Variants in MAP4K5 observed in about 807,000 individuals in gnomAD.
MAP4K5 encodes the protein mitogen-activated protein kinase kinase kinase kinase 5.
Under a neutral mutation model 135.6 loss-of-function variants are expected in MAP4K5, and 82 were observed. The observed-to-expected ratio is 0.60, with a 90% confidence interval of 0.51 to 0.73. The LOEUF is 0.73. Among genes scored for constraint, MAP4K5 ranks in the 30% least tolerant of loss-of-function variants. MAP4K5 has a pLI of 0.00. For missense variants in MAP4K5, 907 were observed against 1,010.9 expected, an observed-to-expected ratio of 0.90 and a Z score of 1.39; for synonymous variants, 347 against 335.0, an observed-to-expected ratio of 1.04 and a Z score of -0.39.
chr14:50,489,068 C>T (rs2037428216), intron 3 of MAP4K5, among the ~76,000 whole-genome samples: 1 of 152,120 alleles, frequency 6.6e-6, no homozygotes, highest in Non-Finnish European at 1.5e-5. Flanking sequence ...GGGTGATACG[C>T]CAAATTAATA....
rs374028519 is a variant in MAP4K5, at chr14:50,448,576, T to C, written c.1074+198A>G. Among the ~76,000 whole-genome samples, 177 of 152,096 alleles carry C rather than the reference T, an allele frequency of 1.2e-3. 2 individuals carry two copies. In the South Asian group the frequency reaches 0.033, roughly 28 times the overall value. On this transcript the variant is annotated intron_variant, in intron 15 of 32. Coordinates refer to ENST00000682126, the MANE Select transcript of MAP4K5 (RefSeq NM_006575.6). Reference sequence around the variant, plus strand: ...AGACTAAGGAGGTTAAAATGAATGATTGAAATAGTGTATTACATCGTACTC... The same window carrying C: ...AGACTAAGGAGGTTAAAATGAATGACTGAAATAGTGTATTACATCGTACTC...
At chr14:50,500,667 G>C (rs2037688297) in intron 3 of MAP4K5, among the ~76,000 whole-genome samples, 1 of 152,140 alleles carries the variant, frequency 6.6e-6, no homozygotes, top group African/African-American at 2.4e-5. Context: ...TAGATGGTGG[G>C]GAATGGGAGG....
rs952865114 is a variant in MAP4K5 at position 50,550,488 on chromosome 14, G to A, written c.-179-7904C>T. Among the ~76,000 whole-genome samples, 9 of 152,158 alleles carry A rather than the reference G, an allele frequency of 5.9e-5. No homozygotes were observed. The South Asian group carries it at 1.0e-3, about 18-fold the overall frequency. On this transcript the variant is annotated intron_variant, in intron 1 of 8. Coordinates refer to the MAP4K5 transcript ENST00000555216. ...GTATGTGGATTCCTCCCCTTGTTAA[G>A]TTGCAATGGTATGCCTTGGGATATT...
chr14:50,510,656 G>C (rs1299814926), intron 2 of MAP4K5, among the ~76,000 whole-genome samples: 1 of 152,044 alleles, frequency 6.6e-6, no homozygotes, highest in African/African-American at 2.4e-5. Flanking sequence ...GTCATATTAT[G>C]ATGAATTAAA....
At chr14:50,511,428 G>C (rs976172429) in intron 2 of MAP4K5, among the ~76,000 whole-genome samples, 5 of 152,054 alleles carry the variant, frequency 3.3e-5, no homozygotes, top group African/African-American at 1.2e-4. Context: ...GGGAGGAATA[G>C]GGAGAAATTT....
chr14:50,486,088 C>CT lies in MAP4K5; in HGVS notation c.257+15dup, dbSNP rs769195436. On this transcript the variant is annotated intron_variant, in intron 4 of 32. Transcript: ENST00000682126. ...ATATAAAATACAGAGAGAGATGATG[C>CT]TTTTTTTTCTCTTACCTAAGATAAC... The CT allele has an allele frequency of 1.3e-4, 125 of 996,320 alleles. No homozygotes were observed. Among genetic ancestry groups the CT allele is most frequent in the Non-Finnish European group, 1.7e-4 (112 of 661,806 alleles). The allele number at this position is 996,320 out of a possible 1,614,324, so 61.7% of individuals were successfully genotyped here.
intron 6 of MAP4K5, among the ~76,000 whole-genome samples, chr14:50,477,812 C>T (rs144745808): frequency 4.7e-4 from 71 of 152,240 alleles, no homozygotes; most frequent in African/African-American, 1.7e-3. Context: ...ATAAACTCCA[C>T]TTATGATGTA....
At chr14:50,462,247 C>CT (rs2036727550) in intron 13 of MAP4K5, among the ~76,000 whole-genome samples, 1 of 152,114 alleles carries the variant, frequency 6.6e-6, no homozygotes, top group Non-Finnish European at 1.5e-5. Context: ...AACAGATGTT[C>CT]TTTATATATA....
chr14:50,425,037 G>A (rs1188989036), intron 31 of MAP4K5, among the ~76,000 whole-genome samples: 1 of 152,210 alleles, frequency 6.6e-6, no homozygotes, highest in African/African-American at 2.4e-5. Context: ...ATAAGTAAGA[G>A]TGTGGATAAA....
intron 2 of MAP4K5, among the ~76,000 whole-genome samples, chr14:50,520,426 G>A (rs533182317): frequency 2.7e-4 from 41 of 152,248 alleles, no homozygotes; most frequent in Non-Finnish European, 4.6e-4. Flanking sequence ...GCTTGAACCC[G>A]GGAGGCGAAG....
chr14:50,472,992 C>A (rs1188711386), intron 9 of MAP4K5, among the ~76,000 whole-genome samples: 2 of 152,052 alleles, frequency 1.3e-5, no homozygotes, highest in East Asian at 3.8e-4. Context: ...TATTGATTTC[C>A]ACTTATTTTC....
At chr14:50,459,800 C>T (rs1260716562) in intron 13 of MAP4K5, among the ~76,000 whole-genome samples, 1 of 151,650 alleles carries the variant, frequency 6.6e-6, no homozygotes, top group East Asian at 1.9e-4. Flanking sequence ...CAGACTCAAG[C>T]GATTTTCCAG....
intron 17 of MAP4K5, among the ~76,000 whole-genome samples, 181 bp downstream of exon 17, chr14:50,445,898 T>C (rs2036336293): frequency 6.6e-6 from 1 of 152,128 alleles, no homozygotes. Context: ...ATTAAAAATA[T>C]TGTATTCCTC....
At chr14:50,494,458 G>GCCCAA (rs1490428549) in intron 3 of MAP4K5, among the ~76,000 whole-genome samples, 2 of 151,948 alleles carry the variant, frequency 1.3e-5, no homozygotes, top group Non-Finnish European at 1.5e-5. Context: ...GAGCCACCGT[G>GCCCAA]CCCAACCCAA....
At chr14:50,545,734 G>A (rs764557490) in intron 1 of MAP4K5, among the ~76,000 whole-genome samples, 1 of 152,170 alleles carries the variant, frequency 6.6e-6, no homozygotes, top group Non-Finnish European at 1.5e-5. Context: ...TGGTGGAGAA[G>A]GTAGATAAAA....
chr14:50,419,721 C>T lies in MAP4K5; in HGVS notation c.*298G>A, dbSNP rs1566627242. 4 of 265,360 alleles carry T rather than the reference C, an allele frequency of 1.5e-5. No homozygotes were observed. The East Asian group carries it at 2.7e-4, about 18-fold the overall frequency. 16.4% of individuals were successfully genotyped at this position (265,360 alleles called of 1,614,324 possible). A position where few individuals can be genotyped will look rare whatever the true frequency, so the allele number is the denominator to read the frequency against. On this transcript the variant is annotated 3_prime_UTR_variant, in exon 33 of 33. Coordinates refer to ENST00000682126, the MANE Select transcript of MAP4K5 (RefSeq NM_006575.6). Reference sequence around the variant, plus strand: ...CACGAGTTATCTAAAAATACCATGGCACCCTTGTTACAAACATTGTTTTTT... The same window carrying T: ...CACGAGTTATCTAAAAATACCATGGTACCCTTGTTACAAACATTGTTTTTT...
chr14:50,425,795 T>G, intron 31 of MAP4K5, 112 bp downstream of exon 31: 1 of 637,392 alleles, frequency 1.6e-6, no homozygotes, highest in Non-Finnish European at 2.7e-6. Context: ...GTTCATAGTA[T>G]TAAAAGCACT....
upstream of MAP4K5, among the ~76,000 whole-genome samples, chr14:50,534,200 G>A (rs1341530142): frequency 6.6e-6 from 1 of 152,052 alleles, no homozygotes; most frequent in Admixed American, 6.5e-5. Flanking sequence ...GTTTACACTT[G>A]CGTTACTCCA....
chr14:50,421,297 C>T (rs1346033817), intron 32 of MAP4K5, among the ~76,000 whole-genome samples: 5 of 151,672 alleles, frequency 3.3e-5, no homozygotes, highest in African/African-American at 7.3e-5. Context: ...TTGCTCTTGT[C>T]GCCCAGGCTG....
Sources: allele counts gnomAD v4.1 joint callset (sites outside exome capture counted in the v4.1 genomes callset), GRCh38; gene constraint gnomAD v4.1.1; transcripts MANE v1.5; gene names NCBI Gene and HGNC (gene_info 2026-07-23, HGNC 2026-07-21).